Variants in PDLIM5 observed in about 807,000 individuals in gnomAD.
PDLIM5 encodes PDZ and LIM domain protein 5.
PDLIM5 carries 34 observed loss-of-function variants against 64.2 expected under a neutral mutation model. That is an observed-to-expected ratio of 0.53 (90% confidence interval 0.40 to 0.71). The LOEUF (loss-of-function observed/expected upper bound fraction) is 0.71, where lower values mean the gene tolerates loss of function less well. PDLIM5 is among the 30% of genes least tolerant of loss of function. The probability of loss-of-function intolerance (pLI) is 0.00; values close to 1 mark genes in which losing one functional copy is unlikely to be tolerated. For synonymous variants in PDLIM5, 253 were observed against 269.1 expected (o/e 0.94, Z 0.59); for missense variants, 683 against 733.6 (o/e 0.93, Z 0.80).
At chr4:94,529,026 C>A (rs11725792) in intron 3 of PDLIM5, among the ~76,000 whole-genome samples, 10,473 of 152,224 alleles carry the variant, frequency 0.069, 534 homozygotes, top group African/African-American at 0.15. Context: ...GAAGTAAGGT[C>A]AGAGAGGTAG....
chr4:94,470,222 C>T (rs921672483), intron 2 of PDLIM5, among the ~76,000 whole-genome samples: 3 of 152,072 alleles, frequency 2.0e-5, no homozygotes, highest in Admixed American at 2.0e-4. Flanking sequence ...GCTCGGCCTC[C>T]CAAAGTGCTG....
intron 7 of PDLIM5, among the ~76,000 whole-genome samples, chr4:94,591,198 C>T (rs574158683): frequency 6.6e-6 from 1 of 152,322 alleles, no homozygotes; most frequent in African/African-American, 2.4e-5. Flanking sequence ...ATTGTCTGGA[C>T]ACTTTGCTTT....
chr4:94,574,349 T>C (rs111920362), intron 4 of PDLIM5, among the ~76,000 whole-genome samples: 3,064 of 152,000 alleles, frequency 0.02, 50 homozygotes, highest in Non-Finnish European at 0.029. Flanking sequence ...AATACAAAAA[T>C]TAGCTGGGCA....
intron 8 of PDLIM5, among the ~76,000 whole-genome samples, chr4:94,624,619 G>T (rs1025214917): frequency 2.5e-4 from 38 of 152,144 alleles, no homozygotes; most frequent in African/African-American, 8.9e-4. Context: ...TTTTATGCAG[G>T]AACAATATTT....
chr4:94,455,634 G>A, intron 2 of PDLIM5: 1 of 695,810 alleles, frequency 1.4e-6, no homozygotes, highest in Admixed American at 2.7e-5. Flanking sequence ...ATTTAACTAG[G>A]AACAGACTGT....
At chr4:94,489,649 G>A (rs1726678536) in intron 2 of PDLIM5, among the ~76,000 whole-genome samples, 1 of 151,958 alleles carries the variant, frequency 6.6e-6, no homozygotes, top group Non-Finnish European at 1.5e-5. Flanking sequence ...TACAAGGCCT[G>A]GCACAGTGGC....
chr4:94,619,170 A>T (rs948896872), intron 8 of PDLIM5, among the ~76,000 whole-genome samples: 21 of 152,112 alleles, frequency 1.4e-4, no homozygotes, highest in Admixed American at 1.1e-3. Flanking sequence ...TTCTCACAGT[A>T]ACTAACATCT....
intron 8 of PDLIM5, among the ~76,000 whole-genome samples, chr4:94,634,649 G>A (rs1397320068): frequency 6.6e-6 from 1 of 152,138 alleles, no homozygotes; most frequent in Non-Finnish European, 1.5e-5. Context: ...GCCTATTCAA[G>A]TACAGTCTGG....
At chr4:94,599,262 GA>G (rs1389876259) in intron 7 of PDLIM5, among the ~76,000 whole-genome samples, 1 of 152,146 alleles carries the variant, frequency 6.6e-6, no homozygotes, top group Non-Finnish European at 1.5e-5. Context: ...TGGCAGTGGA[GA>G]TGGAGAGCAT....
chr4:94,524,700 C>T (rs533974288), intron 3 of PDLIM5, among the ~76,000 whole-genome samples: 27 of 152,130 alleles, frequency 1.8e-4, no homozygotes, highest in Non-Finnish European at 3.7e-4. Context: ...AGCATCCCAT[C>T]ATTTGAAACC....
intron 3 of PDLIM5, among the ~76,000 whole-genome samples, chr4:94,541,013 T>C (rs1456690428): frequency 1.3e-5 from 2 of 152,186 alleles, no homozygotes; most frequent in Non-Finnish European, 2.9e-5. Context: ...GGGAGAACCA[T>C]GTACCATCTG....
intron 6 of PDLIM5, 29 bp downstream of exon 6, chr4:94,585,766 A>T (rs749957345): frequency 6.3e-7 from 1 of 1,583,390 alleles, no homozygotes; most frequent in Admixed American, 1.7e-5. Context: ...ATCCTAATGG[A>T]TGAATGTTTT....
chr4:94,496,982 G>A (rs751428684), intron 2 of PDLIM5, among the ~76,000 whole-genome samples: 6 of 152,108 alleles, frequency 3.9e-5, no homozygotes, highest in Non-Finnish European at 7.3e-5. Context: ...ATTGATGGTA[G>A]TGCATAAAAA....
chr4:94,664,188 A>C lies in PDLIM5; in HGVS notation c.*121A>C, dbSNP rs1742952267. On this transcript the variant is annotated 3_prime_UTR_variant, in exon 13 of 13. Transcript: ENST00000317968. ...TGAAAAATAATAGTGGCCCTGAAGG[A>C]ATAAATTCCAGCTTTAAAAACCAAG... is the stretch of plus-strand genomic sequence containing the variant. 8.0e-7 allele frequency: 1 copy of C among 1,245,324 alleles called. No homozygotes were observed. The highest frequency in any genetic ancestry group is 1.5e-5 in the African/African-American group (1 of 64,632). 77.1% of individuals were successfully genotyped at this position (1,245,324 alleles called of 1,614,324 possible). A position where few individuals can be genotyped will look rare whatever the true frequency, so the allele number is the denominator to read the frequency against.
intron 8 of PDLIM5, among the ~76,000 whole-genome samples, chr4:94,622,905 G>A (rs1288666835): frequency 5.3e-5 from 8 of 151,914 alleles, no homozygotes; most frequent in African/African-American, 7.3e-5. Context: ...TCCTGACCTC[G>A]TGACCCACCC....
At chr4:94,545,479 A>G (rs770444951) in intron 3 of PDLIM5, among the ~76,000 whole-genome samples, 2 of 152,188 alleles carry the variant, frequency 1.3e-5, no homozygotes, top group Non-Finnish European at 2.9e-5. Flanking sequence ...CCTGACACAC[A>G]TACCAAAAAT....
intron 3 of PDLIM5, among the ~76,000 whole-genome samples, chr4:94,555,140 G>A (rs540638700): frequency 2.6e-5 from 4 of 152,066 alleles, no homozygotes; most frequent in South Asian, 2.1e-4. Context: ...TGCAACCTCC[G>A]CCTCCCGGGT....
At chr4:94,475,156 T>TA (rs1472610485) in intron 2 of PDLIM5, among the ~76,000 whole-genome samples, 2 of 151,992 alleles carry the variant, frequency 1.3e-5, no homozygotes, top group East Asian at 1.9e-4. Flanking sequence ...TTTTTTTTTT[T>TA]ACCTAAAGGA....
At chr4:94,620,229 C>T (rs1251958450) in intron 8 of PDLIM5, among the ~76,000 whole-genome samples, 1 of 152,140 alleles carries the variant, frequency 6.6e-6, no homozygotes, top group Non-Finnish European at 1.5e-5. Context: ...GAGATGAATG[C>T]TGATTGAGTA....
Sources: gnomAD v4.1 joint callset for allele counts (sites outside exome capture counted in the v4.1 genomes callset) on GRCh38, gnomAD v4.1.1 for gene constraint, MANE v1.5 for transcripts, NCBI Gene and HGNC (gene_info 2026-07-23, HGNC 2026-07-21) for gene names.